The following ZCCHC7 variants were observed in gnomAD, a reference collection of about 807,000 sequenced individuals.
ZCCHC7 encodes the protein zinc finger CCHC domain-containing protein 7.
Under a neutral mutation model 52.0 loss-of-function variants are expected in ZCCHC7, and 35 were observed. The ratio of observed to expected loss-of-function variants is 0.67; its 90% CI spans 0.51 to 0.89. ZCCHC7 has a LOEUF of 0.89. Ranked by LOEUF, ZCCHC7 falls within the 40% of genes least tolerant of loss-of-function variation. The pLI is 0.00. For missense variants in ZCCHC7, 574 were observed against 649.1 expected, an observed-to-expected ratio of 0.88 and a Z score of 1.26; for synonymous variants, 217 against 221.5, an observed-to-expected ratio of 0.98 and a Z score of 0.18.
intron 2 of ZCCHC7, among the ~76,000 whole-genome samples, chr9:37,261,920 G>A (rs1343349899): frequency 1.3e-5 from 2 of 152,110 alleles, no homozygotes; most frequent in Non-Finnish European, 2.9e-5. Flanking sequence ...AGAGGTCTTA[G>A]TAAATGAGAA....
intron 3 of ZCCHC7, among the ~76,000 whole-genome samples, chr9:37,303,223 G>A (rs1423860176): frequency 1.3e-5 from 2 of 152,028 alleles, no homozygotes; most frequent in African/African-American, 2.4e-5. Context: ...TCAGGAGTTC[G>A]AAATCAGACT....
chr9:37,135,752 G>A (rs1053633173), intron 2 of ZCCHC7, among the ~76,000 whole-genome samples: 2 of 152,112 alleles, frequency 1.3e-5, no homozygotes, highest in Non-Finnish European at 2.9e-5. Flanking sequence ...AAGGTAAATG[G>A]CTTTTGAAAC....
chr9:37,199,371 G>C (rs1588467858), intron 2 of ZCCHC7, among the ~76,000 whole-genome samples: 1 of 123,368 alleles, frequency 8.1e-6, no homozygotes, highest in African/African-American at 3.1e-5. Flanking sequence ...CACTCTTGTT[G>C]CCCAGGCTGG....
intron 5 of ZCCHC7, among the ~76,000 whole-genome samples, chr9:37,315,027 A>G (rs892842799): frequency 2.6e-5 from 4 of 151,978 alleles, no homozygotes; most frequent in Admixed American, 6.6e-5. Flanking sequence ...TCAGTTGTCT[A>G]CTAGTTAAAA....
chr9:37,308,412 G>A (rs1427408392), intron 5 of ZCCHC7, among the ~76,000 whole-genome samples: 1 of 151,954 alleles, frequency 6.6e-6, no homozygotes, highest in Admixed American at 6.6e-5. Flanking sequence ...TGATAAAGAA[G>A]GGGAGTAAGA....
chr9:37,356,030 GT>G (rs1208646753), intron 8 of ZCCHC7, among the ~76,000 whole-genome samples: 1 of 150,840 alleles, frequency 6.6e-6, no homozygotes, highest in Non-Finnish European at 1.5e-5. Context: ...ACCCATTTTG[GT>G]TTTTTTTTAG....
Position 37,134,498 on chromosome 9 carries a change from A to G in ZCCHC7, c.610+7556A>G, listed in dbSNP as rs545899476. 1.8e-4 allele frequency among the ~76,000 whole-genome samples: 28 copies of G among 152,270 alleles called. No individual in the cohort carries two copies. In the South Asian group the frequency reaches 5.6e-3, roughly 30 times the overall value. On this transcript the variant is annotated intron_variant, in intron 2 of 8. Coordinates refer to ENST00000336755, the MANE Select transcript of ZCCHC7 (RefSeq NM_032226.3). ...GTTATTTTTTGGAATTATCTTTTAA[A>G]AATTTGGTTTTCTTTTATAATCATG...
chr9:37,273,457 C>G (rs931165511), intron 2 of ZCCHC7, among the ~76,000 whole-genome samples: 1 of 152,080 alleles, frequency 6.6e-6, no homozygotes, highest in African/African-American at 2.4e-5. Context: ...GAGCTGAGAT[C>G]GCGCCACTGC....
intron 2 of ZCCHC7, among the ~76,000 whole-genome samples, chr9:37,199,456 C>T (rs544806059): frequency 2.7e-5 from 4 of 149,290 alleles, no homozygotes; most frequent in East Asian, 2.0e-4. Context: ...CTCAGCCTCC[C>T]GAGTAGCTGG....
At chr9:37,212,914 C>T (rs1200194874) in intron 2 of ZCCHC7, among the ~76,000 whole-genome samples, 1 of 151,958 alleles carries the variant, frequency 6.6e-6, no homozygotes, top group African/African-American at 2.4e-5. Context: ...TGAGACATAC[C>T]TTTTTCACTT....
chr9:37,313,998 T>G (rs1358165963), intron 5 of ZCCHC7, among the ~76,000 whole-genome samples: 1 of 152,270 alleles, frequency 6.6e-6, no homozygotes. Context: ...AATGGTTTCC[T>G]TTCTAGTCAT....
At chr9:37,297,085 T>C (rs1219384775) in intron 2 of ZCCHC7, among the ~76,000 whole-genome samples, 1 of 152,224 alleles carries the variant, frequency 6.6e-6, no homozygotes, top group Non-Finnish European at 1.5e-5. Flanking sequence ...GTTTTAGTGA[T>C]GTAATCATCA....
At chr9:37,212,593 A>G (rs193067684) in intron 2 of ZCCHC7, among the ~76,000 whole-genome samples, 1 of 152,342 alleles carries the variant, frequency 6.6e-6, no homozygotes, top group East Asian at 1.9e-4. Flanking sequence ...TAATTCTGCC[A>G]ACAGTGGAAC....
At chr9:37,216,162 C>T (rs913037039) in intron 2 of ZCCHC7, among the ~76,000 whole-genome samples, 2 of 152,040 alleles carry the variant, frequency 1.3e-5, no homozygotes, top group African/African-American at 2.4e-5. Flanking sequence ...TCTTTACTAA[C>T]GAGGTCATAT....
chr9:37,249,264 C>T (rs1826206621), intron 2 of ZCCHC7, among the ~76,000 whole-genome samples: 1 of 151,956 alleles, frequency 6.6e-6, no homozygotes, highest in Non-Finnish European at 1.5e-5. Flanking sequence ...TCTCCAGTGC[C>T]GTATCTGAAT....
chr9:37,179,998 G>A (rs1822260412), intron 2 of ZCCHC7, among the ~76,000 whole-genome samples: 1 of 152,114 alleles, frequency 6.6e-6, no homozygotes, highest in Non-Finnish European at 1.5e-5. Context: ...TCAAGTGATT[G>A]TATGTATAGG....
intron 2 of ZCCHC7, among the ~76,000 whole-genome samples, chr9:37,253,238 C>A (rs983249636): frequency 6.6e-6 from 1 of 151,656 alleles, no homozygotes; most frequent in Non-Finnish European, 1.5e-5. Context: ...TTATGCTATT[C>A]TTTTATCATC....
chr9:37,186,349 A>G (rs1052918168), intron 2 of ZCCHC7, among the ~76,000 whole-genome samples: 1 of 152,206 alleles, frequency 6.6e-6, no homozygotes, highest in African/African-American at 2.4e-5. Flanking sequence ...GATTCCAAGG[A>G]TGAGCAGAAT....
chr9:37,187,781 A>G (rs116040938), intron 2 of ZCCHC7, among the ~76,000 whole-genome samples: 1,913 of 152,048 alleles, frequency 0.013, 42 homozygotes, highest in African/African-American at 0.044. Context: ...TTCAGTACAG[A>G]TGCAATTTTT....
Sources: allele counts gnomAD v4.1 joint callset (sites outside exome capture counted in the v4.1 genomes callset), GRCh38; gene constraint gnomAD v4.1.1; transcripts MANE v1.5; gene names NCBI Gene and HGNC (gene_info 2026-07-23, HGNC 2026-07-21).